The following MAGI2 variants were observed in gnomAD, a reference collection of about 807,000 sequenced individuals.
The protein encoded by MAGI2 is membrane-associated guanylate kinase, WW and PDZ domain-containing protein 2.
Under a neutral mutation model 133.3 loss-of-function variants are expected in MAGI2, and 35 were observed. The ratio of observed to expected loss-of-function variants is 0.26; its 90% CI spans 0.20 to 0.35. MAGI2 has a LOEUF of 0.35. Ranked by LOEUF, MAGI2 falls within the 10% of genes least tolerant of loss-of-function variation. The pLI, the probability that MAGI2 is intolerant of heterozygous loss-of-function variation, is 1.00. For synonymous variants in MAGI2, 729 were observed against 710.6 expected (o/e 1.03, Z -0.41); for missense variants, 1,636 against 1,863.4 (o/e 0.88, Z 2.25).
At chr7:79,162,416 C>A (rs1824459189) in intron 1 of MAGI2, among the ~76,000 whole-genome samples, 1 of 151,990 alleles carries the variant, frequency 6.6e-6, no homozygotes, top group African/African-American at 2.4e-5. Flanking sequence ...TACAAGCACC[C>A]TCCCTCTAGG....
chr7:79,150,902 TTAAAA>T (rs1562942951), intron 1 of MAGI2, among the ~76,000 whole-genome samples: 1 of 152,166 alleles, frequency 6.6e-6, no homozygotes. Context: ...ATAAAATATC[TTAAAA>T]TAAGTTATCT....
At chr7:78,874,660 A>G (rs1034552879) in intron 2 of MAGI2, among the ~76,000 whole-genome samples, 1 of 152,182 alleles carries the variant, frequency 6.6e-6, no homozygotes, top group African/African-American at 2.4e-5. Context: ...AAATCAATCT[A>G]TTAGTCAATG....
chr7:78,293,394 C>T (rs1347868552), intron 9 of MAGI2, among the ~76,000 whole-genome samples: 1 of 152,190 alleles, frequency 6.6e-6, no homozygotes, highest in African/African-American at 2.4e-5. Context: ...GATACCATCT[C>T]ACACCAGTTA....
Position 79,041,437 on chromosome 7 carries a change from A to C in MAGI2, c.302-34231T>G, listed in dbSNP as rs543936842. 2.6e-5 allele frequency among the ~76,000 whole-genome samples: 4 copies of C among 152,310 alleles called. No homozygotes were observed. The South Asian group carries it at 8.3e-4, about 32-fold the overall frequency. On this transcript the variant is annotated intron_variant, in intron 1 of 21. Transcript: ENST00000354212. Reference sequence around the variant, plus strand: ...AATGTTGTTACTAATATTTGCTCATAGTTATAACAAGAATCAGATAAAATT... The same window carrying C: ...AATGTTGTTACTAATATTTGCTCATCGTTATAACAAGAATCAGATAAAATT...
intron 2 of MAGI2, among the ~76,000 whole-genome samples, chr7:79,006,246 A>G (rs1046002224): frequency 9.9e-5 from 15 of 152,090 alleles, no homozygotes; most frequent in Non-Finnish European, 1.8e-4. Context: ...TTATCCTTTC[A>G]GGACTCATAG....
intron 7 of MAGI2, among the ~76,000 whole-genome samples, chr7:78,361,222 C>T (rs910936096): frequency 3.9e-5 from 6 of 152,098 alleles, no homozygotes; most frequent in Admixed American, 6.6e-5. Context: ...GGTGAAACCC[C>T]GTTTCTACTA....
intron 1 of MAGI2, among the ~76,000 whole-genome samples, chr7:79,131,829 G>A (rs967392948): frequency 1.3e-5 from 2 of 151,704 alleles, no homozygotes; most frequent in African/African-American, 2.4e-5. Flanking sequence ...TTTCTATTAC[G>A]ATGTCTATTT....
At chr7:79,235,093 A>T (rs1831771986) in intron 1 of MAGI2, among the ~76,000 whole-genome samples, 1 of 151,484 alleles carries the variant, frequency 6.6e-6, no homozygotes, top group African/African-American at 2.4e-5. Context: ...GGTGCCTCCC[A>T]GTTAGGCTGC....
chr7:78,528,830 G>C (rs1003260949), intron 3 of MAGI2, among the ~76,000 whole-genome samples: 1 of 152,032 alleles, frequency 6.6e-6, no homozygotes, highest in African/African-American at 2.4e-5. Flanking sequence ...TGGTGAAAAA[G>C]CATTAATCTT....
Position 78,160,199 on chromosome 7 carries a change from C to T in MAGI2, c.2671G>A (p.Ala891Thr), listed in dbSNP as rs1052002858. The T allele has an allele frequency of 2.1e-5, 34 of 1,612,350 alleles. No individual in the cohort carries two copies. Among genetic ancestry groups the T allele is most frequent in the Middle Eastern group, 1.6e-4 (1 of 6,080 alleles). The change falls in exon 16 of 22, where the codon GCA (alanine) becomes ACA (threonine). Residue 891 changes from alanine to threonine, a missense_variant. Physicochemically the swap from Ala to Thr is moderately conservative, Grantham distance 58 (BLOSUM62 0). Transcript: ENST00000354212. Reference protein sequence around the residue: ...THHSSPRSDYATYTNSNHAAP... With the variant: ...THHSSPRSDYTTYTNSNHAAP... ...GCGTGGTTGCTGTTGGTGTAGGTTG[C>T]GTAGTCACTGCGTGGAGAGCTGTGG...
intron 9 of MAGI2, among the ~76,000 whole-genome samples, chr7:78,317,556 C>A (rs190985965): frequency 6.6e-6 from 1 of 152,212 alleles, no homozygotes; most frequent in African/African-American, 2.4e-5. Flanking sequence ...CGGCTGTGGG[C>A]GCAGCTTCAG....
intron 1 of MAGI2, among the ~76,000 whole-genome samples, chr7:79,149,375 T>C (rs1489215618): frequency 1.3e-5 from 2 of 151,810 alleles, no homozygotes; most frequent in Non-Finnish European, 2.9e-5. Context: ...ATGGCTCCTC[T>C]CATAACATGA....
chr7:78,074,534 T>C (rs1221319610), intron 21 of MAGI2, among the ~76,000 whole-genome samples: 1 of 152,188 alleles, frequency 6.6e-6, no homozygotes, highest in Non-Finnish European at 1.5e-5. Context: ...TTAGGGTGCA[T>C]TAGGAAAAAG....
At chr7:79,140,383 A>G (rs930336747) in intron 1 of MAGI2, among the ~76,000 whole-genome samples, 3 of 152,208 alleles carry the variant, frequency 2.0e-5, no homozygotes, top group African/African-American at 7.2e-5. Context: ...GCTCCTCAAA[A>G]GAATATGAAT....
chr7:79,217,883 T>C (rs957068735), intron 1 of MAGI2, among the ~76,000 whole-genome samples: 5 of 152,014 alleles, frequency 3.3e-5, no homozygotes, highest in Non-Finnish European at 5.9e-5. Context: ...ATTAATGTAG[T>C]TGTTTCCTTT....
At chr7:78,319,224 C>T (rs946765495) in intron 9 of MAGI2, among the ~76,000 whole-genome samples, 1 of 152,158 alleles carries the variant, frequency 6.6e-6, no homozygotes, top group South Asian at 2.1e-4. Context: ...GGAGCCCCAT[C>T]TCATGTGCAA....
intron 2 of MAGI2, among the ~76,000 whole-genome samples, chr7:78,893,272 A>G (rs1161059321): frequency 1.3e-5 from 2 of 152,312 alleles, no homozygotes; most frequent in South Asian, 2.1e-4. Flanking sequence ...ACACTTTTAC[A>G]CTGTTGGTGG....
intron 2 of MAGI2, among the ~76,000 whole-genome samples, chr7:78,812,917 T>C (rs1259693449): frequency 6.6e-6 from 1 of 152,120 alleles, no homozygotes; most frequent in Non-Finnish European, 1.5e-5. Context: ...GCAGAATACT[T>C]CCATCATCAA....
At chr7:78,418,132 C>A (rs770928159) in intron 6 of MAGI2, among the ~76,000 whole-genome samples, 2 of 151,922 alleles carry the variant, frequency 1.3e-5, no homozygotes, top group Non-Finnish European at 2.9e-5. Context: ...CCAGTCTGGG[C>A]GACAGAGTGA....
Sources: gnomAD v4.1 joint callset for allele counts (sites outside exome capture counted in the v4.1 genomes callset) on GRCh38, gnomAD v4.1.1 for gene constraint, MANE v1.5 for transcripts, NCBI Gene and HGNC (gene_info 2026-07-23, HGNC 2026-07-21) for gene names.